The following PXDNL variants were observed in gnomAD, a reference collection of about 807,000 sequenced individuals.
PXDNL encodes the protein peroxidasin like, also known as probable oxidoreductase PXDNL.
A neutral mutation model predicts 150.8 loss-of-function variants in PXDNL; 145 were observed. The ratio of observed to expected loss-of-function variants is 0.96; its 90% CI spans 0.84 to 1.10. The LOEUF is 1.10. Ranked by LOEUF, PXDNL falls within the 50% of genes least tolerant of loss-of-function variation. The pLI, the probability that PXDNL is intolerant of heterozygous loss-of-function variation, is 0.00. For synonymous variants in PXDNL, 757 were observed against 725.7 expected (o/e 1.04, Z -0.69); for missense variants, 2,087 against 1,873.9 (o/e 1.11, Z -2.10).
chr8:51,802,174 T>G (rs1004207135), intron 1 of PXDNL, among the ~76,000 whole-genome samples: 6 of 152,010 alleles, frequency 3.9e-5, no homozygotes, highest in African/African-American at 1.2e-4. Context: ...GTTCAAGGTT[T>G]TTTTTTTTTT....
intron 1 of PXDNL, among the ~76,000 whole-genome samples, chr8:51,766,514 G>A (rs1281788711): frequency 1.3e-5 from 2 of 152,138 alleles, no homozygotes; most frequent in African/African-American, 4.8e-5. Flanking sequence ...ATCTCATAGA[G>A]CAGGTCTGCT....
chr8:51,564,977 A>G (rs1812786739), intron 3 of PXDNL, among the ~76,000 whole-genome samples: 1 of 151,874 alleles, frequency 6.6e-6, no homozygotes, highest in African/African-American at 2.4e-5. Flanking sequence ...TTGTTTCCAC[A>G]TTTCATTAGC....
At chr8:51,371,248 T>C (rs570364521) in intron 19 of PXDNL, among the ~76,000 whole-genome samples, 31 of 152,326 alleles carry the variant, frequency 2.0e-4, no homozygotes, top group African/African-American at 7.5e-4. Context: ...TTTGAGAAAG[T>C]CATCTAATAT....
At chr8:51,638,933 T>C (rs1364023254) in intron 2 of PXDNL, among the ~76,000 whole-genome samples, 5 of 152,110 alleles carry the variant, frequency 3.3e-5, no homozygotes, top group Non-Finnish European at 5.9e-5. Flanking sequence ...TATTCCAAAA[T>C]TGAACACATA....
chr8:51,325,012 T>C (rs1446664923), intron 21 of PXDNL, among the ~76,000 whole-genome samples: 3 of 152,108 alleles, frequency 2.0e-5, no homozygotes, highest in Non-Finnish European at 2.9e-5. Flanking sequence ...ATTACAGGCA[T>C]GCACCACCAC....
chr8:51,714,022 G>A lies in PXDNL; in HGVS notation c.165-59262C>T, dbSNP rs536061829. Among the ~76,000 whole-genome samples the A allele has an allele frequency of 2.6e-5, 4 of 152,196 alleles. No homozygotes were observed. The East Asian group carries it at 5.8e-4, about 22-fold the overall frequency. On this transcript the variant is annotated intron_variant, in intron 1 of 22. Coordinates refer to ENST00000356297, the MANE Select transcript of PXDNL (RefSeq NM_144651.5). ...TGAAGAAAATTTTACAAAATAACAA[G>A]AGCCGGTAATTTTTATCACACTGAA...
Position 51,789,025 on chromosome 8 carries a change from CTTTTTT to C in PXDNL, c.164+20150_164+20155del, listed in dbSNP as rs550725392. Among the ~76,000 whole-genome samples, 430 of 152,052 alleles carry C rather than the reference CTTTTTT, an allele frequency of 2.8e-3. 3 individuals are homozygous for C. Among genetic ancestry groups the C allele is most frequent in the African/African-American group, 9.7e-3 (403 of 41,494 alleles). Reference sequence around the variant, plus strand: ...ACTAGTGCCTTTCCTTTTTCTTTTTCTTTTTTTTAATACCCCATTTATTTGGACATA... The same window carrying C: ...ACTAGTGCCTTTCCTTTTTCTTTTTCTTAATACCCCATTTATTTGGACATA... On this transcript the variant is annotated intron_variant, in intron 1 of 22. Transcript: ENST00000356297.
rs1808537584 is a variant in PXDNL, at chr8:51,409,062, GC to G, written c.2561del (p.Gly854AlafsTer67). ...PMNTRHADPR[G>X]THAPCMLFAR... Reference sequence around the variant, plus strand: ...CGAAGAGCATGCAGGGCGCGTGGGTGCCCCGGGGGTCGGCGTGCCGGGTGTT... The same window carrying G: ...CGAAGAGCATGCAGGGCGCGTGGGTGCCCGGGGGTCGGCGTGCCGGGTGTT... On this transcript the variant is annotated frameshift_variant, in exon 17 of 23. Coordinates refer to ENST00000356297, the MANE Select transcript of PXDNL (RefSeq NM_144651.5). LOFTEE classifies it high-confidence loss of function. 1 of 1,609,796 alleles carries G rather than the reference GC, an allele frequency of 6.2e-7. No individual in the cohort carries two copies.
intron 5 of PXDNL, among the ~76,000 whole-genome samples, 195 bp downstream of exon 5, chr8:51,499,504 T>A (rs1811137082): frequency 6.6e-6 from 1 of 152,200 alleles, no homozygotes; most frequent in Admixed American, 6.5e-5. Flanking sequence ...CTGTTTTTCA[T>A]TGGCTATTTC....
At chr8:51,715,750 G>A (rs933616538) in intron 1 of PXDNL, among the ~76,000 whole-genome samples, 4 of 152,138 alleles carry the variant, frequency 2.6e-5, no homozygotes, top group African/African-American at 9.7e-5. Flanking sequence ...GAGGTACCAG[G>A]TGTCAGCTGA....
chr8:51,686,100 C>A (rs1348341268), intron 1 of PXDNL, among the ~76,000 whole-genome samples: 2 of 152,166 alleles, frequency 1.3e-5, no homozygotes, highest in African/African-American at 4.8e-5. Context: ...TTCTAATGAG[C>A]CATAGGGAAG....
Position 51,408,340 on chromosome 8 carries a change from C to T in PXDNL, c.3284G>A (p.Gly1095Asp). The change falls in exon 17 of 23, where the codon GGT (glycine) becomes GAT (aspartate). Residue 1095 changes from glycine (G) to aspartate (D), a missense_variant. Gly to Asp is a moderately conservative substitution (Grantham distance 94). Coordinates refer to ENST00000356297, the MANE Select transcript of PXDNL (RefSeq NM_144651.5). ...CCCCCGGAGAACCGGGTCTATCCCA[C>T]CTTCCTTGATTATTCTGGACGGTGA... The part of the protein sequence containing the change: ...LFSPSRIIKE[G>D]GIDPVLRGLF... The T allele has an allele frequency of 1.2e-6, 2 of 1,614,042 alleles. No homozygotes were observed. The highest frequency in any genetic ancestry group is 1.1e-5 in the South Asian group (1 of 91,086).
At chr8:51,756,945 AT>A (rs1304570376) in intron 1 of PXDNL, among the ~76,000 whole-genome samples, 2 of 152,242 alleles carry the variant, frequency 1.3e-5, no homozygotes, top group Admixed American at 6.5e-5. Flanking sequence ...AAAAGTGGAT[AT>A]TCGTATGTTT....
intron 16 of PXDNL, among the ~76,000 whole-genome samples, chr8:51,409,814 A>C (rs1209739149): frequency 6.6e-6 from 1 of 152,184 alleles, no homozygotes; most frequent in East Asian, 1.9e-4. Flanking sequence ...AGCTGCTAGA[A>C]GGAGCAAAAT....
intron 2 of PXDNL, among the ~76,000 whole-genome samples, chr8:51,609,839 G>A (rs1010836137): frequency 1.2e-4 from 18 of 152,164 alleles, no homozygotes; most frequent in Admixed American, 1.1e-3. Context: ...AATGTACGTA[G>A]AGAAGTGCTT....
intron 1 of PXDNL, among the ~76,000 whole-genome samples, chr8:51,762,167 G>C (rs2037172567): frequency 1.3e-5 from 2 of 152,130 alleles, no homozygotes; most frequent in Non-Finnish European, 2.9e-5. Flanking sequence ...GGCCTGGGGA[G>C]TCATGCCCTA....
intron 9 of PXDNL, 106 bp downstream of exon 9, chr8:51,457,392 G>T: frequency 1.1e-6 from 1 of 893,744 alleles, no homozygotes. Context: ...AAAAATCACA[G>T]TCAATGGGAA....
intron 2 of PXDNL, among the ~76,000 whole-genome samples, chr8:51,649,462 C>T (rs937279130): frequency 1.1e-4 from 17 of 152,084 alleles, no homozygotes; most frequent in African/African-American, 3.9e-4. Flanking sequence ...ATGTTTAATA[C>T]TAGAAGACAT....
intron 4 of PXDNL, among the ~76,000 whole-genome samples, chr8:51,501,424 CCA>C (rs10583892): frequency 0.19 from 28,421 of 151,816 alleles, 2,847 homozygotes; most frequent in Middle Eastern, 0.25. Context: ...TCCCTCATAC[CCA>C]CACATGCTCA....
Sources: gnomAD v4.1 joint callset for allele counts (sites outside exome capture counted in the v4.1 genomes callset) on GRCh38, gnomAD v4.1.1 for gene constraint, MANE v1.5 for transcripts, NCBI Gene and HGNC (gene_info 2026-07-23, HGNC 2026-07-21) for gene names.